Variants in KAZN observed in about 807,000 individuals in gnomAD.
The protein encoded by KAZN is kazrin, periplakin interacting protein, also known as kazrin.
A neutral mutation model predicts 87.4 loss-of-function variants in KAZN; 40 were observed. The observed-to-expected ratio is 0.46, with a 90% CI of 0.36 to 0.60. The LOEUF is 0.60. Ranked by LOEUF, KAZN falls within the 20% of genes least tolerant of loss-of-function variation. The pLI, the probability that KAZN is intolerant of heterozygous loss-of-function variation, is 0.00. For synonymous variants in KAZN, 466 were observed against 458.3 expected (o/e 1.02, Z -0.22); for missense variants, 898 against 1,073.9 (o/e 0.84, Z 2.29).
rs1198634980 is a variant in KAZN at position 13,937,016 on chromosome 1, C to G, written c.91+43260C>G. Among the ~76,000 whole-genome samples the G allele has an allele frequency of 2.7e-5, 4 of 150,302 alleles. No individual in the cohort carries two copies. The East Asian group carries it at 5.8e-4, about 22-fold the overall frequency. ...TTGTATATCTTCTTTTGAAAAATGTCCATTCATGTTTTTTCCCCACTTTTT... is the reference window on the plus strand; with the variant it reads ...TTGTATATCTTCTTTTGAAAAATGTGCATTCATGTTTTTTCCCCACTTTTT... On this transcript the variant is annotated intron_variant, in intron 1 of 16. Transcript: ENST00000636203.
chr1:14,427,639 A>G (rs975954962), intron 2 of KAZN, among the ~76,000 whole-genome samples: 1 of 49,226 alleles, frequency 2.0e-5, no homozygotes, highest in Non-Finnish European at 4.7e-5. Flanking sequence ...ATGTGCACAC[A>G]TGTTAGTAAA....
intron 2 of KAZN, among the ~76,000 whole-genome samples, chr1:14,472,031 A>G (rs780111304): frequency 6.6e-6 from 1 of 152,176 alleles, no homozygotes; most frequent in Non-Finnish European, 1.5e-5. Flanking sequence ...CAGACGATTC[A>G]GTGTCTGGTG....
intron 2 of KAZN, among the ~76,000 whole-genome samples, chr1:14,480,714 TAAAC>T (rs997271642): frequency 1.4e-5 from 2 of 145,470 alleles, no homozygotes; most frequent in Non-Finnish European, 1.5e-5. Flanking sequence ...TATGTATATA[TAAAC>T]AGATACATAA....
intron 1 of KAZN, among the ~76,000 whole-genome samples, chr1:14,819,101 C>T (rs16850900): frequency 0.31 from 46,826 of 152,086 alleles, 7,880 homozygotes; most frequent in East Asian, 0.51. Context: ...CCAAGAAAGT[C>T]GACATGTTTT....
intron 1 of KAZN, among the ~76,000 whole-genome samples, chr1:13,976,970 T>C (rs1638391536): frequency 6.6e-6 from 1 of 152,234 alleles, no homozygotes; most frequent in Non-Finnish European, 1.5e-5. Flanking sequence ...AATATTTTTC[T>C]TCATCTTAGT....
chr1:14,566,845 G>C (rs1674577549), intron 2 of KAZN, among the ~76,000 whole-genome samples: 1 of 152,114 alleles, frequency 6.6e-6, no homozygotes, highest in Non-Finnish European at 1.5e-5. Flanking sequence ...AAAGACTCAG[G>C]GTCTTGCTCT....
At chr1:14,703,846 T>C (rs979358694) in intron 1 of KAZN, among the ~76,000 whole-genome samples, 18 of 152,324 alleles carry the variant, frequency 1.2e-4, no homozygotes, top group Non-Finnish European at 2.5e-4. Context: ...GTCGCTGCGC[T>C]TCAGCCTGGG....
chr1:14,423,886 A>G (rs1665569636), intron 2 of KAZN, among the ~76,000 whole-genome samples: 1 of 152,240 alleles, frequency 6.6e-6, no homozygotes, highest in Admixed American at 6.5e-5. Context: ...GACCGTCCAC[A>G]TCAGCTTTGC....
At chr1:14,204,780 A>G (rs1380379710) in intron 2 of KAZN, among the ~76,000 whole-genome samples, 1 of 152,250 alleles carries the variant, frequency 6.6e-6, no homozygotes, top group Non-Finnish European at 1.5e-5. Context: ...GGCATATTTC[A>G]GCTGGCATAA....
At chr1:14,428,672 G>T (rs184240783) in intron 2 of KAZN, among the ~76,000 whole-genome samples, 1 of 152,272 alleles carries the variant, frequency 6.6e-6, no homozygotes, top group Admixed American at 6.5e-5. Flanking sequence ...AATCATGGTG[G>T]AAGGCACCTC....
intron 13 of KAZN, chr1:15,112,144 G>A: frequency 4.2e-6 from 2 of 477,858 alleles, no homozygotes; most frequent in Non-Finnish European, 7.6e-6. Context: ...TCTTGATTCT[G>A]CCGCTAACAG....
chr1:15,109,937 G>GTGTGTT (rs1553191661), intron 13 of KAZN, among the ~76,000 whole-genome samples: 70 of 140,558 alleles, frequency 5.0e-4, no homozygotes, highest in Middle Eastern at 7.4e-3. Flanking sequence ...GTGTGTGTGT[G>GTGTGTT]TGTGTTTGTG....
intron 2 of KAZN, among the ~76,000 whole-genome samples, chr1:14,202,183 T>C (rs942054282): frequency 6.6e-6 from 1 of 152,124 alleles, no homozygotes; most frequent in Non-Finnish European, 1.5e-5. Context: ...GAGGCAGGAT[T>C]AGAACCAAGG....
intron 1 of KAZN, among the ~76,000 whole-genome samples, chr1:14,170,576 A>G (rs1205197408): frequency 1.3e-5 from 2 of 152,214 alleles, no homozygotes; most frequent in East Asian, 1.9e-4. Context: ...TTTAAAGTGT[A>G]TAATCCAGTG....
At chr1:14,740,908 T>A (rs1473207911) in intron 1 of KAZN, among the ~76,000 whole-genome samples, 1 of 152,212 alleles carries the variant, frequency 6.6e-6, no homozygotes, top group African/African-American at 2.4e-5. Context: ...TCCTGGGGAA[T>A]GACAGACACT....
Position 14,750,022 on chromosome 1 carries a change from T to TG in KAZN, c.226+150805dup, listed in dbSNP as rs530800964. 4.7e-4 allele frequency among the ~76,000 whole-genome samples: 71 copies of TG among 151,450 alleles called. No homozygotes were observed. In the East Asian group the frequency reaches 8.8e-3, roughly 19 times the overall value. ...GACATACCCATGACCAAAAAAAAGG[T>TG]GGGGGGTGCATGCAAAAACCAGTGA... is the stretch of plus-strand genomic sequence containing the variant. On this transcript the variant is annotated intron_variant, in intron 1 of 14. Transcript: ENST00000376030.
In KAZN at chr1:14,856,637, G is replaced by T. The variant is rs1268402704; in HGVS notation, c.227-104047G>T. 6.6e-6 allele frequency among the ~76,000 whole-genome samples: 1 copy of T among 152,114 alleles called. No individual in the cohort carries two copies. Among genetic ancestry groups the T allele is most frequent in the East Asian group, 1.9e-4 (1 of 5,184 alleles). On this transcript the variant is annotated intron_variant, in intron 1 of 14. Transcript: ENST00000376030. The surrounding 1 kb of genome is among the most constrained non-coding windows in gnomAD (Gnocchi z 5.2). ...AGTGTGATGCAGCCACACATTCTTTGGGTTTTTACATTTTGGGGAATAAAT... is the reference window on the plus strand; with the variant it reads ...AGTGTGATGCAGCCACACATTCTTTTGGTTTTTACATTTTGGGGAATAAAT...
intron 1 of KAZN, among the ~76,000 whole-genome samples, chr1:14,155,304 T>G (rs1645568527): frequency 6.6e-6 from 1 of 152,210 alleles, no homozygotes; most frequent in Non-Finnish European, 1.5e-5. Context: ...TTCTAGATTT[T>G]CCAATTTATT....
rs527823531 is a variant in KAZN at position 14,044,931 on chromosome 1, A to G, written c.92-135504A>G. 5.9e-5 allele frequency among the ~76,000 whole-genome samples: 9 copies of G among 152,182 alleles called. No homozygotes were observed. In the South Asian group the frequency reaches 6.2e-4, roughly 11 times the overall value. ...TCTGCCGGGGTAGATCAGACCACAT[A>G]CTCTGGGGAAAACCAGTAGCCATAT... On this transcript the variant is annotated intron_variant, in intron 1 of 16. Transcript: ENST00000636203.
Sources: gnomAD v4.1 joint callset for allele counts (sites outside exome capture counted in the v4.1 genomes callset) on GRCh38, gnomAD v4.1.1 for gene constraint, Gnocchi (gnomAD v3.1) non-coding constraint, MANE v1.5 for transcripts, NCBI Gene and HGNC (gene_info 2026-07-23, HGNC 2026-07-21) for gene names.